Variants in TIAM1 observed in about 807,000 individuals in gnomAD.
TIAM1 encodes the protein rho guanine nucleotide exchange factor TIAM1.
In TIAM1, 65 loss-of-function variants were observed where a neutral mutation model predicts 163.5. The observed-to-expected ratio is 0.40, with a 90% CI of 0.33 to 0.49. TIAM1 has a LOEUF of 0.49. Among genes scored for constraint, TIAM1 ranks in the 20% least tolerant of loss-of-function variants. The probability of loss-of-function intolerance (pLI) is 0.77; values close to 1 mark genes in which losing one functional copy is unlikely to be tolerated. For synonymous variants in TIAM1, 833 were observed against 810.1 expected, an observed-to-expected ratio of 1.03 and a Z score of -0.48; for missense variants, 1,789 against 2,044.7, an observed-to-expected ratio of 0.87 and a Z score of 2.41.
At chr21:31,121,166 G>C (rs772336630) in intron 27 of TIAM1, among the ~76,000 whole-genome samples, 1 of 152,070 alleles carries the variant, frequency 6.6e-6, no homozygotes, top group African/African-American at 2.4e-5. Context: ...CTAAGAGATG[G>C]GTAACACAGA....
intron 7 of TIAM1, 68 bp downstream of exon 7, chr21:31,225,656 CAA>C (rs11373053): frequency 6.9e-3 from 7,286 of 1,055,842 alleles, no homozygotes; most frequent in Non-Finnish European, 7.6e-3. Flanking sequence ...TCCAAAACAG[CAA>C]AAAAAAAAAA....
At chr21:31,527,410 G>A (rs149850245) in intron 1 of TIAM1, among the ~76,000 whole-genome samples, 2 of 152,154 alleles carry the variant, frequency 1.3e-5, no homozygotes, top group Non-Finnish European at 2.9e-5. Context: ...TCTAAAAATA[G>A]AGGGCCTGAT....
chr21:31,556,032 C>G (rs780789770), intron 1 of TIAM1, among the ~76,000 whole-genome samples: 4 of 152,098 alleles, frequency 2.6e-5, no homozygotes, highest in Non-Finnish European at 4.4e-5. Flanking sequence ...GCTCTTTGGA[C>G]GAGCATTAGA....
At chr21:31,401,730 G>A (rs769748878) in intron 2 of TIAM1, among the ~76,000 whole-genome samples, 2 of 151,856 alleles carry the variant, frequency 1.3e-5, no homozygotes, top group African/African-American at 2.4e-5. Context: ...CGAGACCAGC[G>A]AGACCCCATC....
At position 31,146,944 on chromosome 21, in the gene TIAM1, G is replaced by A. The variant is rs2083148125; in HGVS notation, c.3426C>T (p.Tyr1142=). ...FLYYADRFKL[Y]SAFCASHTKV... Reference sequence around the variant, plus strand: ...TTGTGTGGCTGGCGCAGAAGGCACTGTAGAGCTTGAAGCGGTCAGCATAAT... The same window carrying A: ...TTGTGTGGCTGGCGCAGAAGGCACTATAGAGCTTGAAGCGGTCAGCATAAT... The change falls in exon 20 of 28, where the codon TAC becomes TAT. Residue 1142 remains tyrosine (Y), a synonymous_variant. Coordinates refer to ENST00000541036, the MANE Select transcript of TIAM1 (RefSeq NM_001353694.2). 2 of 1,614,162 alleles carry A rather than the reference G, an allele frequency of 1.2e-6. No homozygotes were observed. The highest frequency in any genetic ancestry group is 2.2e-5 in the East Asian group (1 of 44,864).
At chr21:31,466,810 C>G (rs939089337) in intron 1 of TIAM1, among the ~76,000 whole-genome samples, 4 of 152,150 alleles carry the variant, frequency 2.6e-5, no homozygotes, top group Non-Finnish European at 5.9e-5. Context: ...TTCTAAACAT[C>G]AAGCTACCGT....
At chr21:31,529,682 T>C (rs1009260502) in intron 1 of TIAM1, among the ~76,000 whole-genome samples, 3 of 152,194 alleles carry the variant, frequency 2.0e-5, no homozygotes, top group Non-Finnish European at 2.9e-5. Context: ...AAATACCTGC[T>C]CCTCAAATGC....
At chr21:31,186,723 G>C (rs1294806529) in intron 14 of TIAM1, among the ~76,000 whole-genome samples, 1 of 152,086 alleles carries the variant, frequency 6.6e-6, no homozygotes, top group Non-Finnish European at 1.5e-5. Context: ...CGATGCTACA[G>C]TGACCTATGA....
At chr21:31,154,902 CT>C (rs1220046284) in intron 16 of TIAM1, among the ~76,000 whole-genome samples, 1 of 152,226 alleles carries the variant, frequency 6.6e-6, no homozygotes, top group Non-Finnish European at 1.5e-5. Context: ...GTTCAGTAAA[CT>C]ATCTACTTTG....
At chr21:31,235,618 G>T (rs1310556770) in intron 6 of TIAM1, among the ~76,000 whole-genome samples, 1 of 152,206 alleles carries the variant, frequency 6.6e-6, no homozygotes, top group African/African-American at 2.4e-5. Context: ...TAAGCCTCAT[G>T]AGGCGAAGAG....
chr21:31,226,022 TC>T, intron 6 of TIAM1, 72 bp from the exon 7 acceptor site: 1 of 1,399,550 alleles, frequency 7.1e-7, no homozygotes, highest in Non-Finnish European at 9.9e-7. Context: ...CCGGAGCATT[TC>T]CAGAGAAGCA....
chr21:31,527,149 T>C (rs1471487693), intron 1 of TIAM1, among the ~76,000 whole-genome samples: 1 of 152,110 alleles, frequency 6.6e-6, no homozygotes, highest in African/African-American at 2.4e-5. Context: ...AGCTGGAGCC[T>C]AGAAGCTCTG....
chr21:31,328,483 A>G (rs1007013185), intron 2 of TIAM1, among the ~76,000 whole-genome samples: 7 of 151,266 alleles, frequency 4.6e-5, no homozygotes, highest in Non-Finnish European at 1.0e-4. Context: ...TGATCCTCCC[A>G]CCTCAGCCTC....
chr21:31,424,467 A>G (rs747429718), intron 2 of TIAM1, among the ~76,000 whole-genome samples: 23 of 152,216 alleles, frequency 1.5e-4, no homozygotes, highest in Non-Finnish European at 1.0e-4. Context: ...CCTTAAAAGG[A>G]AAAATATTCT....
At chr21:31,233,646 A>T (rs1476850511) in intron 6 of TIAM1, among the ~76,000 whole-genome samples, 1 of 152,240 alleles carries the variant, frequency 6.6e-6, no homozygotes, top group Non-Finnish European at 1.5e-5. Flanking sequence ...CAGAGGATGC[A>T]GTGAGCCAAG....
chr21:31,518,182 G>A (rs554892741), intron 1 of TIAM1, among the ~76,000 whole-genome samples: 1 of 152,298 alleles, frequency 6.6e-6, no homozygotes, highest in South Asian at 2.1e-4. Flanking sequence ...GGTGCCTTGG[G>A]TATGAGCATA....
chr21:31,198,335 G>A (rs561369670), intron 12 of TIAM1, among the ~76,000 whole-genome samples: 21 of 152,278 alleles, frequency 1.4e-4, no homozygotes, highest in African/African-American at 4.8e-4. Context: ...AGGAGTGTGG[G>A]GGATAGGAAC....
At position 31,428,184 on chromosome 21, in the gene TIAM1, G is replaced by C. The variant is rs2043867334; in HGVS notation, c.-369+35799C>G. ...GCAGCAGAATCGCTTGAACCCAGGA[G>C]GCAGAGGTTGCAGTGAGCCGAGATC... On this transcript the variant is annotated intron_variant, in intron 2 of 28. Transcript: ENST00000286827. Among the ~76,000 whole-genome samples, 3 of 151,394 alleles carry C rather than the reference G, an allele frequency of 2.0e-5. No homozygotes were observed. In the South Asian group the frequency reaches 6.3e-4, roughly 32 times the overall value.
chr21:31,307,147 C>T (rs903665048), intron 2 of TIAM1, among the ~76,000 whole-genome samples: 1 of 152,178 alleles, frequency 6.6e-6, no homozygotes, highest in African/African-American at 2.4e-5. Context: ...GAATGAGGCA[C>T]AAATTACCAC....
Sources: allele counts gnomAD v4.1 joint callset (sites outside exome capture counted in the v4.1 genomes callset), GRCh38; gene constraint gnomAD v4.1.1; transcripts MANE v1.5; gene names NCBI Gene and HGNC (gene_info 2026-07-23, HGNC 2026-07-21).